Variants in MARCHF1 observed in about 807,000 individuals in gnomAD.
MARCHF1 encodes the protein membrane associated ring-CH-type finger 1.
A neutral mutation model predicts 54.2 loss-of-function variants in MARCHF1; 40 were observed. The observed-to-expected ratio is 0.74, with a 90% CI of 0.57 to 0.96. The LOEUF (loss-of-function observed/expected upper bound fraction) is 0.96, where lower values mean the gene tolerates loss of function less well. MARCHF1 is among the 40% of genes least tolerant of loss of function. The probability of loss-of-function intolerance (pLI) is 0.00; values close to 1 mark genes in which losing one functional copy is unlikely to be tolerated. For synonymous variants in MARCHF1, 236 were observed against 236.3 expected, an observed-to-expected ratio of 1.00 and a Z score of 0.01; for missense variants, 586 against 656.5, an observed-to-expected ratio of 0.89 and a Z score of 1.17.
chr4:164,145,419 C>A (rs1183912058), intron 1 of MARCHF1, among the ~76,000 whole-genome samples: 1 of 151,936 alleles, frequency 6.6e-6, no homozygotes, highest in African/African-American at 2.4e-5. Flanking sequence ...TGCAAAAATC[C>A]TCAGTATAAT....
chr4:163,774,798 G>A (rs748890734), intron 4 of MARCHF1, among the ~76,000 whole-genome samples: 3 of 152,004 alleles, frequency 2.0e-5, no homozygotes, highest in African/African-American at 4.8e-5. Context: ...GCCCAGTCAC[G>A]TTAGGCATTT....
At chr4:164,365,582 T>C (rs1578902985) in intron 1 of MARCHF1, among the ~76,000 whole-genome samples, 2 of 152,098 alleles carry the variant, frequency 1.3e-5, no homozygotes, top group Admixed American at 6.6e-5. Flanking sequence ...TAAATATTTA[T>C]GTATAAGGCC....
chr4:163,984,963 G>T (rs1752833439), intron 3 of MARCHF1, among the ~76,000 whole-genome samples: 1 of 152,032 alleles, frequency 6.6e-6, no homozygotes, highest in South Asian at 2.1e-4. Flanking sequence ...CCGAGAATGT[G>T]GTTTTCCCAA....
chr4:163,735,002 T>C (rs141792433), intron 4 of MARCHF1, among the ~76,000 whole-genome samples: 541 of 152,320 alleles, frequency 3.6e-3, no homozygotes, highest in Admixed American at 8.1e-3. Context: ...TTTTTATTAT[T>C]AACTTCATCT....
intron 1 of MARCHF1, among the ~76,000 whole-genome samples, chr4:164,376,739 T>A (rs958681734): frequency 6.6e-6 from 1 of 152,120 alleles, no homozygotes; most frequent in Non-Finnish European, 1.5e-5. Flanking sequence ...GGGGGAAAGA[T>A]AAGACATGCT....
At position 164,168,663 on chromosome 4, in the gene MARCHF1, T is replaced by TACACACACACAC. The variant is rs3059785; in HGVS notation, c.-322-57013_-322-57002dup. Among the ~76,000 whole-genome samples the TACACACACACAC allele has an allele frequency of 1.6e-3, 237 of 147,166 alleles. 2 individuals are homozygous for TACACACACACAC. The highest frequency in any genetic ancestry group is 5.8e-3 in the African/African-American group (232 of 40,140). On this transcript the variant is annotated intron_variant, in intron 1 of 9. Coordinates refer to ENST00000514618, the MANE Select transcript of MARCHF1 (RefSeq NM_001394959.1). ...TGCATGATCTCACTTTTATGTGGAA[T>TACACACACACAC]ACACACACACACACACACACACACA...
intron 1 of MARCHF1, among the ~76,000 whole-genome samples, chr4:164,279,455 T>C (rs1560985575): frequency 6.6e-6 from 1 of 151,492 alleles, no homozygotes; most frequent in South Asian, 2.1e-4. Flanking sequence ...ATATATGACA[T>C]TTTTCAGAAT....
intron 1 of MARCHF1, among the ~76,000 whole-genome samples, chr4:164,205,550 T>C (rs978939298): frequency 6.6e-6 from 1 of 152,166 alleles, no homozygotes; most frequent in Non-Finnish European, 1.5e-5. Context: ...TAAAGTTTCC[T>C]ATTTAATTTA....
chr4:163,989,200 G>C (rs998479191), intron 2 of MARCHF1, among the ~76,000 whole-genome samples: 3 of 152,108 alleles, frequency 2.0e-5, no homozygotes, highest in Non-Finnish European at 4.4e-5. Flanking sequence ...CTAGCTGGCT[G>C]TGTCCTTCAT....
At chr4:163,884,563 C>T (rs761971504) in intron 3 of MARCHF1, among the ~76,000 whole-genome samples, 8 of 152,118 alleles carry the variant, frequency 5.3e-5, no homozygotes, top group Non-Finnish European at 8.8e-5. Context: ...ATGAAAGGCC[C>T]CAAGTCCCTA....
chr4:163,988,866 A>G (rs1394610563), intron 2 of MARCHF1, 157 bp from the exon 3 acceptor site: 1 of 152,266 alleles, frequency 6.6e-6, no homozygotes, highest in Non-Finnish European at 1.5e-5. Context: ...ATTTACTGCA[A>G]GTCATAATTG....
chr4:164,321,306 A>G (rs1215384782), intron 1 of MARCHF1, among the ~76,000 whole-genome samples: 1 of 152,174 alleles, frequency 6.6e-6, no homozygotes, highest in Non-Finnish European at 1.5e-5. Context: ...AGTAATTTTA[A>G]AAATTAGGAT....
rs116413728 is a variant in MARCHF1, at chr4:163,884,128, G to T, written c.-38-29959C>A. Among the ~76,000 whole-genome samples the T allele has an allele frequency of 1.9e-3, 292 of 152,206 alleles. 1 individual carries two copies. Among genetic ancestry groups the T allele is most frequent in the African/African-American group, 6.8e-3 (283 of 41,534 alleles). ...GAGTTGATGGTTGATTGTTAGAGGT[G>T]CTCAAACCATCAGTGGCGTAGCTCA... On this transcript the variant is annotated intron_variant, in intron 3 of 9. Coordinates refer to ENST00000514618, the MANE Select transcript of MARCHF1 (RefSeq NM_001394959.1).
intron 8 of MARCHF1, among the ~76,000 whole-genome samples, chr4:163,558,447 T>C (rs533768486): frequency 1.3e-5 from 2 of 152,158 alleles, no homozygotes; most frequent in African/African-American, 2.4e-5. Context: ...TCGGAGAAGA[T>C]AGAAGGTTCT....
intron 2 of MARCHF1, among the ~76,000 whole-genome samples, chr4:164,081,830 C>T (rs6824397): frequency 6.6e-6 from 1 of 151,950 alleles, no homozygotes; most frequent in African/African-American, 2.4e-5. Flanking sequence ...AAGTGTTTTG[C>T]CTTTGGCTTC....
At chr4:164,045,588 C>A (rs1450475589) in intron 2 of MARCHF1, among the ~76,000 whole-genome samples, 1 of 151,068 alleles carries the variant, frequency 6.6e-6, no homozygotes, top group Non-Finnish European at 1.5e-5. Flanking sequence ...TTATGTGCTT[C>A]AGATTTAGTT....
intron 3 of MARCHF1, among the ~76,000 whole-genome samples, chr4:163,953,410 G>A (rs1454267639): frequency 2.0e-5 from 3 of 152,120 alleles, no homozygotes; most frequent in African/African-American, 7.2e-5. Flanking sequence ...GGGCTGTCAT[G>A]AAGTTTAAAC....
At chr4:163,688,363 A>G in intron 5 of MARCHF1, among the ~76,000 whole-genome samples, 1 of 152,186 alleles carries the variant, frequency 6.6e-6, no homozygotes, top group East Asian at 1.9e-4. Context: ...TGATTTTAAA[A>G]ACCTGACTTC....
chr4:164,332,073 T>C lies in MARCHF1; in HGVS notation c.-323+51797A>G, dbSNP rs1735446988. On this transcript the variant is annotated intron_variant, in intron 1 of 9. Coordinates refer to ENST00000514618, the MANE Select transcript of MARCHF1 (RefSeq NM_001394959.1). ...TTCTTCCCTTACAACTTAGCCTTTC[T>C]CTTATTCTGTCTGTTCCTATTAAAG... 2.6e-5 allele frequency among the ~76,000 whole-genome samples: 4 copies of C among 152,304 alleles called. No homozygotes were observed. In the South Asian group the frequency reaches 8.3e-4, roughly 32 times the overall value.
Sources: allele counts gnomAD v4.1 joint callset (sites outside exome capture counted in the v4.1 genomes callset), GRCh38; gene constraint gnomAD v4.1.1; transcripts MANE v1.5; gene names NCBI Gene and HGNC (gene_info 2026-07-23, HGNC 2026-07-21).